The following DCUN1D5 variants were observed in gnomAD, a reference collection of about 807,000 sequenced individuals.
DCUN1D5 encodes defective in cullin neddylation 1 domain containing 5.
A neutral mutation model predicts 38.3 loss-of-function variants in DCUN1D5; 10 were observed. That is an observed-to-expected ratio of 0.26 (90% confidence interval 0.16 to 0.44). The LOEUF is 0.44. DCUN1D5 is among the 20% of genes least tolerant of loss of function. DCUN1D5 has a pLI of 1.00. For missense variants in DCUN1D5, 148 were observed against 275.3 expected (o/e 0.54, Z 3.27); for synonymous variants, 93 against 90.9 (o/e 1.02, Z -0.13).
Position 103,060,894 on chromosome 11 carries a change from G to A in DCUN1D5, c.*1465C>T, listed in dbSNP as rs183597078. On this transcript the variant is annotated 3_prime_UTR_variant, in exon 8 of 8. Coordinates refer to ENST00000260247, the MANE Select transcript of DCUN1D5 (RefSeq NM_032299.4). ...TATTAAATCCTAACACCACTGGTATGCTCAGTTCATAACTCAGTGATTCTA... is the reference window on the plus strand; with the variant it reads ...TATTAAATCCTAACACCACTGGTATACTCAGTTCATAACTCAGTGATTCTA... 1.0e-3 allele frequency among the ~76,000 whole-genome samples: 155 copies of A among 152,180 alleles called. 2 individuals are homozygous for A. Among genetic ancestry groups the A allele is most frequent in the African/African-American group, 2.7e-3 (112 of 41,518 alleles).
rs1023582599 is a variant in DCUN1D5 at position 103,086,207 on chromosome 11, C to T, written c.179-2881G>A. Among the ~76,000 whole-genome samples, 2 of 152,048 alleles carry T rather than the reference C, an allele frequency of 1.3e-5. No homozygotes were observed. The highest frequency in any genetic ancestry group is 2.9e-5 in the Non-Finnish European group (2 of 68,006). On this transcript the variant is annotated intron_variant, in intron 2 of 7. Coordinates refer to ENST00000260247, the MANE Select transcript of DCUN1D5 (RefSeq NM_032299.4). The surrounding 1 kb of genome is among the most constrained non-coding windows in gnomAD (Gnocchi z 4.1). ...GAAAAAAAAAAAATTCTCAGTGACACAGCACCTTCAACATGAGCTACGTAA... is the reference window on the plus strand; with the variant it reads ...GAAAAAAAAAAAATTCTCAGTGACATAGCACCTTCAACATGAGCTACGTAA...
At position 103,059,491 on chromosome 11, in the gene DCUN1D5, A is replaced by G. The variant is rs967863968; in HGVS notation, c.*2868T>C. 1.3e-5 allele frequency among the ~76,000 whole-genome samples: 2 copies of G among 152,190 alleles called. No individual in the cohort carries two copies. Among genetic ancestry groups the G allele is most frequent in the African/African-American group, 4.8e-5 (2 of 41,448 alleles). On this transcript the variant is annotated 3_prime_UTR_variant, in exon 8 of 8. Coordinates refer to ENST00000260247, the MANE Select transcript of DCUN1D5 (RefSeq NM_032299.4). The stretch of plus-strand genomic sequence containing the variant: ...TGCAGTTCAAGAAACACTAATCTAG[A>G]GTGCTTCTGAGTAAAAACCAATAAA...
rs1274508899 is a variant in DCUN1D5 at position 103,058,897 on chromosome 11, G to C, written c.*3462C>G. Among the ~76,000 whole-genome samples the C allele has an allele frequency of 6.6e-6, 1 of 150,772 alleles. No homozygotes were observed. Among genetic ancestry groups the C allele is most frequent in the East Asian group, 1.9e-4 (1 of 5,136 alleles). On this transcript the variant is annotated 3_prime_UTR_variant, in exon 8 of 8. Coordinates refer to ENST00000260247, the MANE Select transcript of DCUN1D5 (RefSeq NM_032299.4). ...AGGAGTAAGACTTTTGGGTTTTTTTGGGGGGGGTTTTAATTTTATTTTTTA... is the reference window on the plus strand; with the variant it reads ...AGGAGTAAGACTTTTGGGTTTTTTTCGGGGGGGTTTTAATTTTATTTTTTA...
rs1862867961 is a variant in DCUN1D5 at position 103,091,597 on chromosome 11, T to C, written c.86+190A>G. 6.3e-6 allele frequency: 6 copies of C among 959,754 alleles called. No individual in the cohort carries two copies. In the Admixed American group the frequency reaches 1.3e-4, roughly 21 times the overall value. 59.5% of individuals were successfully genotyped at this position (959,754 alleles called of 1,614,324 possible). ...TCTAGTCTCTCCATAAACGCCAGCG[T>C]GCACACACTCGAACACGAGGTCGGG... On this transcript the variant is annotated intron_variant, in intron 1 of 7. Coordinates refer to ENST00000260247, the MANE Select transcript of DCUN1D5 (RefSeq NM_032299.4). This position sits in a 1 kb window ranked among gnomAD's most constrained non-coding sequence, Gnocchi z 4.3.
intron 4 of DCUN1D5, among the ~76,000 whole-genome samples, chr11:103,075,096 A>G (rs1862376692): frequency 6.6e-6 from 1 of 152,166 alleles, no homozygotes; most frequent in Non-Finnish European, 1.5e-5. Flanking sequence ...GAAGCCCTTT[A>G]CCTCTAATTG....
chr11:103,077,578 G>A lies in DCUN1D5; in HGVS notation c.341+5170C>T, dbSNP rs940729699. Among the ~76,000 whole-genome samples, 5 of 152,116 alleles carry A rather than the reference G, an allele frequency of 3.3e-5. No homozygotes were observed. Among genetic ancestry groups the A allele is most frequent in the African/African-American group, 7.2e-5 (3 of 41,432 alleles). On this transcript the variant is annotated intron_variant, in intron 4 of 7. Coordinates refer to ENST00000260247, the MANE Select transcript of DCUN1D5 (RefSeq NM_032299.4). The surrounding 1 kb of genome is among the most constrained non-coding windows in gnomAD (Gnocchi z 4.3). Reference sequence around the variant, plus strand: ...GGTATTAATTTCAACGTTAGGACTCGGAAATTAATTTCCTGGTATTGCTAA... The same window carrying A: ...GGTATTAATTTCAACGTTAGGACTCAGAAATTAATTTCCTGGTATTGCTAA...
At chr11:103,069,075 G>T (rs980030520) in intron 4 of DCUN1D5, among the ~76,000 whole-genome samples, 1 of 152,248 alleles carries the variant, frequency 6.6e-6, no homozygotes, top group African/African-American at 2.4e-5. Flanking sequence ...TAACTTGAGT[G>T]GGATGCAGCC....
rs1861979274 is a variant in DCUN1D5 at position 103,060,223 on chromosome 11, G to C, written c.*2136C>G. ...GAGTAAAGCAAGCGTGGCCTCAGTG[G>C]TACTGGACTCCAAAGTATGGCTAGG... On this transcript the variant is annotated 3_prime_UTR_variant, in exon 8 of 8. Coordinates refer to ENST00000260247, the MANE Select transcript of DCUN1D5 (RefSeq NM_032299.4). 6.6e-6 allele frequency among the ~76,000 whole-genome samples: 1 copy of C among 152,104 alleles called. No homozygotes were observed. Among genetic ancestry groups the C allele is most frequent in the Non-Finnish European group, 1.5e-5 (1 of 68,014 alleles).
chr11:103,081,916 G>A (rs1432531435), intron 4 of DCUN1D5, among the ~76,000 whole-genome samples: 1 of 151,810 alleles, frequency 6.6e-6, no homozygotes, highest in African/African-American at 2.4e-5. Context: ...AAAAAATAAA[G>A]AATAATTACA....
In DCUN1D5 at chr11:103,063,229, T is replaced by C. The variant is rs1439094207; in HGVS notation, c.659-815A>G. On this transcript the variant is annotated intron_variant, in intron 7 of 7. Coordinates refer to ENST00000260247, the MANE Select transcript of DCUN1D5 (RefSeq NM_032299.4). This position sits in a 1 kb window ranked among gnomAD's most constrained non-coding sequence, Gnocchi z 4.6. ...AAGCAAGTCCAACACAGTTAACACT[T>C]GACTCCAGCCTCTGACTCCTATAAA... Among the ~76,000 whole-genome samples, 2 of 152,160 alleles carry C rather than the reference T, an allele frequency of 1.3e-5. No individual in the cohort carries two copies.
chr11:103,080,509 G>GA (rs1193012312), intron 4 of DCUN1D5, among the ~76,000 whole-genome samples: 1 of 151,494 alleles, frequency 6.6e-6, no homozygotes, highest in Non-Finnish European at 1.5e-5. Context: ...GATCATGAGG[G>GA]AAAAAAATCA....
At position 103,066,097 on chromosome 11, in the gene DCUN1D5, T is replaced by C. The variant is rs1862127887; in HGVS notation, c.555+172A>G. ...AAAATATCTTAGGTACAAAATATAT[T>C]AATAAACATGAACTTCTATCTAAAA... is the stretch of plus-strand genomic sequence containing the variant. On this transcript the variant is annotated intron_variant, in intron 6 of 7. Coordinates refer to ENST00000260247, the MANE Select transcript of DCUN1D5 (RefSeq NM_032299.4). The surrounding 1 kb of genome is among the most constrained non-coding windows in gnomAD (Gnocchi z 4.7). Among the ~76,000 whole-genome samples, 1 of 149,788 alleles carries C rather than the reference T, an allele frequency of 6.7e-6. No individual in the cohort carries two copies. The highest frequency in any genetic ancestry group is 2.1e-4 in the South Asian group (1 of 4,814).
chr11:103,064,381 CA>C lies in DCUN1D5; in HGVS notation c.556-5del. The C allele has an allele frequency of 1.3e-6, 2 of 1,573,328 alleles. No homozygotes were observed. The highest frequency in any genetic ancestry group is 1.4e-5 in the African/African-American group (1 of 73,702). On this transcript the variant is annotated splice_region_variant and splice_polypyrimidine_tract_variant and intron_variant, in intron 6 of 7. Transcript: ENST00000260247. This position sits in a 1 kb window ranked among gnomAD's most constrained non-coding sequence, Gnocchi z 4.5. ...TCATAACACGATACTTTGATTGCTGCAAAAATGATTTAAATATTTGTATTTA... is the reference window on the plus strand; with the variant it reads ...TCATAACACGATACTTTGATTGCTGCAAAATGATTTAAATATTTGTATTTA...
In DCUN1D5 at chr11:103,078,610, C is replaced by T. The variant is rs1338574409; in HGVS notation, c.341+4138G>A. Reference sequence around the variant, plus strand: ...TATCTGTAACATAGATTTAAACTCTCTCAACGTATTAGCTAAAGCACTCTA... The same window carrying T: ...TATCTGTAACATAGATTTAAACTCTTTCAACGTATTAGCTAAAGCACTCTA... On this transcript the variant is annotated intron_variant, in intron 4 of 7. Transcript: ENST00000260247. This position sits in a 1 kb window ranked among gnomAD's most constrained non-coding sequence, Gnocchi z 4.6. Among the ~76,000 whole-genome samples the T allele has an allele frequency of 1.3e-5, 2 of 152,214 alleles. No homozygotes were observed. Among genetic ancestry groups the T allele is most frequent in the Non-Finnish European group, 2.9e-5 (2 of 68,040 alleles).
In DCUN1D5 at chr11:103,071,050, C is replaced by T. The variant is rs534154280; in HGVS notation, c.342-4483G>A. On this transcript the variant is annotated intron_variant, in intron 4 of 7. Coordinates refer to ENST00000260247, the MANE Select transcript of DCUN1D5 (RefSeq NM_032299.4). The surrounding 1 kb of genome is among the most constrained non-coding windows in gnomAD (Gnocchi z 4.1). ...TACAACATATCAAAATGTTGACATA[C>T]AAATAAAGCAGTACTGAGAAGGAAA... 4.0e-5 allele frequency among the ~76,000 whole-genome samples: 6 copies of T among 151,840 alleles called. No homozygotes were observed. The highest frequency in any genetic ancestry group is 8.8e-5 in the Non-Finnish European group (6 of 67,916).
chr11:103,074,290 G>C lies in DCUN1D5; in HGVS notation c.342-7723C>G, dbSNP rs548540744. Among the ~76,000 whole-genome samples the C allele has an allele frequency of 3.7e-3, 563 of 152,242 alleles. 1 individual carries two copies. Among genetic ancestry groups the C allele is most frequent in the Non-Finnish European group, 6.6e-3 (446 of 68,006 alleles). ...GTAAAAAAATTTATCTTCCATGTTC[G>C]TTAGCATCTCTTTCACATTCCCCTT... On this transcript the variant is annotated intron_variant, in intron 4 of 7. Coordinates refer to ENST00000260247, the MANE Select transcript of DCUN1D5 (RefSeq NM_032299.4).
At position 103,063,176 on chromosome 11, in the gene DCUN1D5, T is replaced by C. The variant is rs144554792; in HGVS notation, c.659-762A>G. 5.4e-3 allele frequency among the ~76,000 whole-genome samples: 822 copies of C among 152,258 alleles called. 3 individuals are homozygous for C. The highest frequency in any genetic ancestry group is 0.019 in the African/African-American group (781 of 41,566). ...TGGCAACTGAAAAACAGCCTAGGTG[T>C]TGGCATACCATGAACTGTCAAACTG... On this transcript the variant is annotated intron_variant, in intron 7 of 7. Coordinates refer to ENST00000260247, the MANE Select transcript of DCUN1D5 (RefSeq NM_032299.4). The surrounding 1 kb of genome is among the most constrained non-coding windows in gnomAD (Gnocchi z 4.6).
chr11:103,062,334 T>C lies in DCUN1D5; in HGVS notation c.*25A>G, dbSNP rs775059798. Reference sequence around the variant, plus strand: ...TGTATACACGTGGGAATTGAAAGGTTTGCATTTTCTTCACATAGTTCTTGC... The same window carrying C: ...TGTATACACGTGGGAATTGAAAGGTCTGCATTTTCTTCACATAGTTCTTGC... On this transcript the variant is annotated 3_prime_UTR_variant, in exon 8 of 8. Transcript: ENST00000260247. This position sits in a 1 kb window ranked among gnomAD's most constrained non-coding sequence, Gnocchi z 4.6. 6.8e-6 allele frequency: 11 copies of C among 1,612,464 alleles called. No homozygotes were observed. The highest frequency in any genetic ancestry group is 8.5e-6 in the Non-Finnish European group (10 of 1,178,666).
Position 103,061,052 on chromosome 11 carries a change from AT to A in DCUN1D5, c.*1306del, listed in dbSNP as rs988109415. 3.3e-5 allele frequency among the ~76,000 whole-genome samples: 5 copies of A among 152,102 alleles called. No homozygotes were observed. The highest frequency in any genetic ancestry group is 4.8e-5 in the African/African-American group (2 of 41,428). On this transcript the variant is annotated 3_prime_UTR_variant, in exon 8 of 8. Coordinates refer to ENST00000260247, the MANE Select transcript of DCUN1D5 (RefSeq NM_032299.4). ...GAAGGCAAGTAAAACAGTGGCAATC[AT>A]TTTTTTCCCAGCTGATTAACTAAAA... is the stretch of plus-strand genomic sequence containing the variant.
Sources: gnomAD v4.1 joint callset for allele counts (sites outside exome capture counted in the v4.1 genomes callset) on GRCh38, gnomAD v4.1.1 for gene constraint, Gnocchi (gnomAD v3.1) non-coding constraint, MANE v1.5 for transcripts, NCBI Gene and HGNC (gene_info 2026-07-23, HGNC 2026-07-21) for gene names.